CHD7: variants seen among roughly 807,000 people sequenced by gnomAD.
The protein encoded by CHD7 is ATP-dependent chromatin remodeler CHD7.
Under a neutral mutation model 307.3 loss-of-function variants are expected in CHD7, and 24 were observed. That is an observed-to-expected ratio of 0.08 (90% CI 0.06 to 0.11). The LOEUF (loss-of-function observed/expected upper bound fraction) is 0.11, where lower values mean the gene tolerates loss of function less well. Among genes scored for constraint, CHD7 ranks in the 10% least tolerant of loss-of-function variants. The pLI, the probability that CHD7 is intolerant of heterozygous loss-of-function variation, is 1.00. For synonymous variants in CHD7, 1,363 were observed against 1,349.9 expected (o/e 1.01, Z -0.21); for missense variants, 3,106 against 3,727.1 (o/e 0.83, Z 4.34).
chr8:60,821,130 TA>T (rs1309173834), intron 9 of CHD7, among the ~76,000 whole-genome samples: 1 of 152,298 alleles, frequency 6.6e-6, no homozygotes, highest in East Asian at 1.9e-4. Flanking sequence ...GAGATCCTAA[TA>T]AATTTAAGCG....
chr8:60,688,247 G>C (rs1004166889), intron 1 of CHD7, among the ~76,000 whole-genome samples: 2 of 152,164 alleles, frequency 1.3e-5, no homozygotes, highest in Non-Finnish European at 2.9e-5. Flanking sequence ...CATAAAAATG[G>C]ACATAATACA....
intron 2 of CHD7, among the ~76,000 whole-genome samples, chr8:60,744,372 A>T (rs533608078): frequency 6.6e-6 from 1 of 152,014 alleles, no homozygotes; most frequent in South Asian, 2.1e-4. Context: ...CTTTGAGGAC[A>T]GTTTGGACCA....
chr8:60,790,515 G>A (rs753889823), intron 3 of CHD7, among the ~76,000 whole-genome samples: 2 of 152,122 alleles, frequency 1.3e-5, no homozygotes, highest in Admixed American at 6.5e-5. Context: ...AGCTTTATAG[G>A]CGTTTCATCA....
intron 1 of CHD7, among the ~76,000 whole-genome samples, chr8:60,707,760 A>G (rs1807089050): frequency 6.6e-6 from 1 of 152,226 alleles, no homozygotes; most frequent in South Asian, 2.1e-4. Context: ...TCTCAAAAAA[A>G]GGGAAACTAT....
intron 1 of CHD7, among the ~76,000 whole-genome samples, chr8:60,709,664 C>T (rs1322658432): frequency 1.3e-5 from 2 of 151,966 alleles, no homozygotes; most frequent in Admixed American, 1.3e-4. Flanking sequence ...TAAAATAAAT[C>T]TTTAGTTATA....
intron 2 of CHD7, among the ~76,000 whole-genome samples, chr8:60,759,600 G>A (rs1382237163): frequency 6.6e-6 from 1 of 152,038 alleles, no homozygotes; most frequent in African/African-American, 2.4e-5. Context: ...TTGAGGCCTG[G>A]TACTCCGTAA....
chr8:60,791,969 C>G (rs1224107557), intron 3 of CHD7, among the ~76,000 whole-genome samples: 1 of 152,194 alleles, frequency 6.6e-6, no homozygotes, highest in Non-Finnish European at 1.5e-5. Flanking sequence ...AGAATACTTT[C>G]CAGACTCAGC....
chr8:60,765,983 G>A (rs2150632792), intron 2 of CHD7, among the ~76,000 whole-genome samples: 1 of 152,306 alleles, frequency 6.6e-6, no homozygotes, highest in East Asian at 1.9e-4. Context: ...ATAACAGAGA[G>A]TAGTGGTGTA....
In CHD7 at chr8:60,849,194, G is replaced by A. The variant is rs140459703; in HGVS notation, c.5404+40G>A. ...TGTTTGAATACATCTCAACTGTATG[G>A]CTTGGTCTTTATTTAGAACTCTTTA... On this transcript the variant is annotated intron_variant, in intron 25 of 37. Transcript: ENST00000423902. The A allele has an allele frequency of 2.1e-4, 271 of 1,297,160 alleles. 3 individuals carry two copies. Among genetic ancestry groups the A allele is most frequent in the Admixed American group, 1.2e-3 (64 of 55,584 alleles). The allele number at this position is 1,297,160 out of a possible 1,614,324, so 80.4% of individuals were successfully genotyped here.
chr8:60,849,175 A>T (rs371395128), intron 25 of CHD7, 21 bp downstream of exon 25: 1 of 1,452,220 alleles, frequency 6.9e-7, no homozygotes, highest in Non-Finnish European at 9.7e-7. Flanking sequence ...TTTCTGTTTG[A>T]ATACATCTCA....
chr8:60,729,638 A>G (rs1438260205), intron 1 of CHD7, among the ~76,000 whole-genome samples: 5 of 152,250 alleles, frequency 3.3e-5, no homozygotes, highest in African/African-American at 1.2e-4. Flanking sequence ...GAAACTGAGT[A>G]GGTGCCTGGT....
intron 1 of CHD7, among the ~76,000 whole-genome samples, chr8:60,697,669 G>T (rs1806551383): frequency 6.6e-6 from 1 of 152,152 alleles, no homozygotes; most frequent in Non-Finnish European, 1.5e-5. Flanking sequence ...ATGAAATCTA[G>T]TAGTTAAATA....
chr8:60,836,140 C>T lies in CHD7; in HGVS notation c.3846C>T (p.Leu1282=), dbSNP rs1181528368. ...THNAESPDFQ[L]QAMIQAAGKL... is the part of the protein sequence containing the mutation. ...ATGCAGAGTCTCCAGATTTTCAGCT[C>T]CAGGCAATGATCCAGGCTGCTGGCA... The change falls in exon 16 of 38, where the codon CTC becomes CTT. Residue 1282 remains leucine, a synonymous_variant. Coordinates refer to ENST00000423902, the MANE Select transcript of CHD7 (RefSeq NM_017780.4). 6.2e-7 allele frequency: 1 copy of T among 1,613,604 alleles called. No individual in the cohort carries two copies. Among genetic ancestry groups the T allele is most frequent in the Non-Finnish European group, 8.5e-7 (1 of 1,179,780 alleles).
At chr8:60,820,121 G>A (rs1803961142) in intron 9 of CHD7, 31 bp downstream of exon 9, 2 of 1,442,948 alleles carry the variant, frequency 1.4e-6, no homozygotes, top group Non-Finnish European at 1.9e-6. Flanking sequence ...TTACAAAGTG[G>A]TGATTCAGGC....
intron 2 of CHD7, among the ~76,000 whole-genome samples, chr8:60,748,444 G>C (rs892432580): frequency 3.3e-5 from 5 of 152,126 alleles, no homozygotes; most frequent in Non-Finnish European, 5.9e-5. Context: ...GGCACTAGGA[G>C]GTGTTTTCAG....
Position 60,824,182 on chromosome 8 carries a change from G to T in CHD7, c.3378+166G>T. On this transcript the variant is annotated intron_variant, in intron 13 of 37. Coordinates refer to ENST00000423902, the MANE Select transcript of CHD7 (RefSeq NM_017780.4). ...GTTATTCAAAAGTTGTTGCCTTTTG[G>T]ATTCTTACATTGTTGGCTAGTGTCT... is the stretch of plus-strand genomic sequence containing the variant. 5 of 609,348 alleles carry T rather than the reference G, an allele frequency of 8.2e-6. No homozygotes were observed. In the South Asian group the frequency reaches 1.2e-4, roughly 14 times the overall value. The allele number at this position is 609,348 out of a possible 1,614,324, so 37.7% of individuals were successfully genotyped here.
At position 60,852,839 on chromosome 8, in the gene CHD7, C is replaced by A. The variant is rs1201861726; in HGVS notation, c.6114C>A (p.Asp2038Glu). 15 of 1,612,122 alleles carry A rather than the reference C, an allele frequency of 9.3e-6. No homozygotes were observed. The highest frequency in any genetic ancestry group is 1.3e-5 in the Non-Finnish European group (15 of 1,178,434). ...CCTTCTGTGTTACAGAACCGCCCGACCTCTCCTCCATAATTGAGCCGATCA... is the reference window on the plus strand; with the variant it reads ...CCTTCTGTGTTACAGAACCGCCCGAACTCTCCTCCATAATTGAGCCGATCA... ...MPVKPDDEPP[D>E]LSSIIEPITE... Residue 2038 changes from aspartate (D) to glutamate (E), a missense_variant, in exon 31 of 38, where the codon GAC becomes GAA. Physicochemically the swap from Asp to Glu is conservative, Grantham distance 45. Transcript: ENST00000423902.
At chr8:60,803,338 G>T (rs1812396998) in intron 6 of CHD7, among the ~76,000 whole-genome samples, 1 of 152,170 alleles carries the variant, frequency 6.6e-6, no homozygotes, top group Non-Finnish European at 1.5e-5. Flanking sequence ...CTATTATTCA[G>T]AGCTATTTAG....
intron 3 of CHD7, among the ~76,000 whole-genome samples, chr8:60,789,363 T>C (rs574101076): frequency 1.3e-5 from 2 of 152,356 alleles, no homozygotes; most frequent in East Asian, 1.9e-4. Context: ...TTTAAAAGAT[T>C]ATAATGTAAC....
Sources: allele counts gnomAD v4.1 joint callset (sites outside exome capture counted in the v4.1 genomes callset), GRCh38; gene constraint gnomAD v4.1.1; transcripts MANE v1.5; gene names NCBI Gene and HGNC (gene_info 2026-07-23, HGNC 2026-07-21).